VPS54: variants seen among roughly 807,000 people sequenced by gnomAD.
VPS54 encodes vacuolar protein sorting-associated protein 54.
Under a neutral mutation model 121.5 loss-of-function variants are expected in VPS54, and 45 were observed. The observed-to-expected ratio is 0.37, with a 90% CI of 0.29 to 0.47. The LOEUF (loss-of-function observed/expected upper bound fraction) is 0.47. VPS54 is among the 20% of genes least tolerant of loss of function. The pLI, the probability that VPS54 is intolerant of heterozygous loss-of-function variation, is 0.99. For missense variants in VPS54, 1,090 were observed against 1,131.4 expected, an observed-to-expected ratio of 0.96 and a Z score of 0.52; for synonymous variants, 371 against 385.8, an observed-to-expected ratio of 0.96 and a Z score of 0.45.
intron 3 of VPS54, among the ~76,000 whole-genome samples, chr2:63,977,579 T>C (rs1475811548): frequency 6.6e-6 from 1 of 152,236 alleles, no homozygotes; most frequent in East Asian, 1.9e-4. Context: ...TTAGTTTCCA[T>C]CTCTCTGCTT....
chr2:63,967,798 A>G (rs773677691), intron 5 of VPS54, among the ~76,000 whole-genome samples: 14 of 151,612 alleles, frequency 9.2e-5, no homozygotes, highest in Non-Finnish European at 1.9e-4. Flanking sequence ...GAAGAGTCCC[A>G]GATAAAATGT....
intron 6 of VPS54, 74 bp from the exon 7 acceptor site, chr2:63,962,517 A>G (rs1675816979): frequency 4.8e-6 from 7 of 1,454,096 alleles, no homozygotes; most frequent in Non-Finnish European, 6.4e-6. Context: ...CTTTATGACA[A>G]TGATAAAAGA....
At chr2:63,952,146 A>G (rs1458431174) in intron 7 of VPS54, among the ~76,000 whole-genome samples, 1 of 152,200 alleles carries the variant, frequency 6.6e-6, no homozygotes, top group Non-Finnish European at 1.5e-5. Flanking sequence ...GTTACTGTGC[A>G]ACATCGCTTA....
At chr2:63,995,539 C>T (rs1262392541) in intron 1 of VPS54, among the ~76,000 whole-genome samples, 2 of 152,268 alleles carry the variant, frequency 1.3e-5, no homozygotes, top group African/African-American at 4.8e-5. Context: ...ATGGCCACCA[C>T]TGCCGGAATG....
intron 1 of VPS54, among the ~76,000 whole-genome samples, chr2:63,994,483 C>A (rs138336419): frequency 0.016 from 2,425 of 152,252 alleles, 28 homozygotes; most frequent in Non-Finnish European, 0.023. Flanking sequence ...ATGCCTGGAG[C>A]TACAGATGAC....
chr2:63,921,639 T>TAC (rs916891942), intron 12 of VPS54, among the ~76,000 whole-genome samples: 7 of 152,030 alleles, frequency 4.6e-5, no homozygotes, highest in Non-Finnish European at 8.8e-5. Context: ...GCAAACCCCC[T>TAC]ACCTCAGCCT....
Position 63,893,202 on chromosome 2 carries a change from T to G in VPS54, c.*228A>C. 1.7e-6 allele frequency: 1 copy of G among 574,780 alleles called. No individual in the cohort carries two copies. Among genetic ancestry groups the G allele is most frequent in the Admixed American group, 2.9e-5 (1 of 34,256 alleles). 35.6% of individuals were successfully genotyped at this position (574,780 alleles called of 1,614,324 possible). ...CTGTTTCCAGAGAGAATGAAAAATG[T>G]TATAGACACCTGATCAGTTACTCCT... is the stretch of plus-strand genomic sequence containing the variant. On this transcript the variant is annotated 3_prime_UTR_variant, in exon 23 of 23. Coordinates refer to ENST00000272322, the MANE Select transcript of VPS54 (RefSeq NM_016516.3).
Position 63,943,047 on chromosome 2 carries a change from G to A in VPS54, c.1302-486C>T, listed in dbSNP as rs376137417. Reference sequence around the variant, plus strand: ...CTGGCAAGTGACTTAACCCCTCCACGCTCCAATTTTCTCATCTAACATGAG... The same window carrying A: ...CTGGCAAGTGACTTAACCCCTCCACACTCCAATTTTCTCATCTAACATGAG... On this transcript the variant is annotated intron_variant, in intron 10 of 22. Coordinates refer to ENST00000272322, the MANE Select transcript of VPS54 (RefSeq NM_016516.3). Among the ~76,000 whole-genome samples the A allele has an allele frequency of 1.2e-4, 18 of 152,130 alleles. 1 individual carries two copies. In the South Asian group the frequency reaches 2.5e-3, roughly 21 times the overall value.
chr2:63,919,228 A>G (rs967981997), intron 15 of VPS54, among the ~76,000 whole-genome samples: 2 of 151,820 alleles, frequency 1.3e-5, no homozygotes, highest in African/African-American at 2.4e-5. Context: ...TTTTACTTCT[A>G]TGTTCTAGAT....
intron 3 of VPS54, chr2:63,974,974 G>A (rs978182824): frequency 1.7e-5 from 26 of 1,546,648 alleles, no homozygotes; most frequent in African/African-American, 2.7e-5. Flanking sequence ...CAGTGACAGG[G>A]GACATCCTTA....
At chr2:63,931,223 C>T (rs1674183692) in intron 12 of VPS54, among the ~76,000 whole-genome samples, 1 of 152,160 alleles carries the variant, frequency 6.6e-6, no homozygotes. Flanking sequence ...AAGAACAAAG[C>T]TGGAGGCATC....
chr2:63,945,501 A>G (rs572824602), intron 9 of VPS54, among the ~76,000 whole-genome samples: 5 of 152,320 alleles, frequency 3.3e-5, no homozygotes, highest in African/African-American at 1.2e-4. Flanking sequence ...TCACATGTTT[A>G]CTTACATAAT....
chr2:64,000,446 G>C (rs1036889991), intron 1 of VPS54, among the ~76,000 whole-genome samples: 11 of 152,182 alleles, frequency 7.2e-5, no homozygotes, highest in African/African-American at 2.7e-4. Context: ...ATGTAGATGG[G>C]TGTAGATGTT....
In VPS54 at chr2:63,893,292, G is replaced by A. The variant is rs368406363; in HGVS notation, c.*138C>T. The A allele has an allele frequency of 5.4e-4, 435 of 812,708 alleles. 8 individuals carry two copies. In the South Asian group the frequency reaches 5.8e-3, roughly 11 times the overall value. 50.3% of individuals were successfully genotyped at this position (812,708 alleles called of 1,614,324 possible). Reference sequence around the variant, plus strand: ...CACTGAATCCAGTTTCCCAACACTTGATACTTTCCTTTTTCCCTTCCCCCA... The same window carrying A: ...CACTGAATCCAGTTTCCCAACACTTAATACTTTCCTTTTTCCCTTCCCCCA... On this transcript the variant is annotated 3_prime_UTR_variant, in exon 23 of 23. Transcript: ENST00000272322.
At position 63,962,446 on chromosome 2, in the gene VPS54, T is replaced by G; in HGVS notation, c.625-3A>C. ...ACAATATCCAGATAATGGCTCAGCT[T>G]AAAAGAGAAGGAAAAAAAATATGAA... is the stretch of plus-strand genomic sequence containing the variant. On this transcript the variant is annotated splice_polypyrimidine_tract_variant and splice_region_variant and intron_variant, in intron 6 of 22. Transcript: ENST00000272322. 2 of 1,597,612 alleles carry G rather than the reference T, an allele frequency of 1.3e-6. No homozygotes were observed. The highest frequency in any genetic ancestry group is 1.7e-6 in the Non-Finnish European group (2 of 1,172,000).
At chr2:63,952,414 T>G (rs1675295533) in intron 7 of VPS54, among the ~76,000 whole-genome samples, 1 of 152,184 alleles carries the variant, frequency 6.6e-6, no homozygotes, top group African/African-American at 2.4e-5. Flanking sequence ...TTAAATTTTA[T>G]ATTACATTAA....
chr2:63,968,174 G>A (rs1230844094), intron 5 of VPS54, among the ~76,000 whole-genome samples: 2 of 151,978 alleles, frequency 1.3e-5, no homozygotes, highest in African/African-American at 4.8e-5. Flanking sequence ...TCTGATGAAG[G>A]TAACTGACTC....
At chr2:63,997,931 T>G (rs776174663) in intron 1 of VPS54, among the ~76,000 whole-genome samples, 3 of 152,174 alleles carry the variant, frequency 2.0e-5, no homozygotes, top group Admixed American at 6.5e-5. Context: ...TCTTAATTTC[T>G]TCATTGACTC....
intron 1 of VPS54, among the ~76,000 whole-genome samples, chr2:63,997,216 G>T (rs542529969): frequency 6.6e-6 from 1 of 152,038 alleles, no homozygotes; most frequent in African/African-American, 2.4e-5. Flanking sequence ...TACTGCCCTC[G>T]TAGAATGAGT....
Sources: allele counts gnomAD v4.1 joint callset (sites outside exome capture counted in the v4.1 genomes callset), GRCh38; gene constraint gnomAD v4.1.1; transcripts MANE v1.5; gene names NCBI Gene and HGNC (gene_info 2026-07-23, HGNC 2026-07-21).